The following TNS2 variants were observed in gnomAD, a reference collection of about 807,000 sequenced individuals.
TNS2 encodes tensin-2.
A neutral mutation model predicts 155.7 loss-of-function variants in TNS2; 77 were observed. The ratio of observed to expected loss-of-function variants is 0.49; its 90% CI spans 0.41 to 0.60. TNS2 has a LOEUF of 0.60. Ranked by LOEUF, TNS2 falls within the 20% of genes least tolerant of loss-of-function variation. The pLI is 0.00. For synonymous variants in TNS2, 726 were observed against 763.9 expected, an observed-to-expected ratio of 0.95 and a Z score of 0.82; for missense variants, 1,703 against 1,868.8, an observed-to-expected ratio of 0.91 and a Z score of 1.64.
chr12:53,049,199 C>T (rs748683513), upstream of TNS2: 2 of 1,603,472 alleles, frequency 1.2e-6, no homozygotes, highest in Non-Finnish European at 1.7e-6. Flanking sequence ...AGTCCTCAGG[C>T]CCTGGGACAG....
Position 53,059,339 on chromosome 12 carries a change from C to T in TNS2, c.1698C>T (p.Asp566=), listed in dbSNP as rs368461146. Residue 566 remains aspartate (D), a synonymous_variant, in exon 18 of 29, where the codon GAC becomes GAT. Transcript: ENST00000314250. This position sits in a 1 kb window ranked among gnomAD's most constrained non-coding sequence, Gnocchi z 4.7. ...GGCGCGAGACGGCCATCCTAGATGA[C>T]GAAGAGCAGCCCACTGTGGGCGGAG... ...GAGRETAILD[D]EEQPTVGGGP... 4.9e-5 allele frequency: 71 copies of T among 1,444,404 alleles called. No individual in the cohort carries two copies. The highest frequency in any genetic ancestry group is 5.8e-5 in the Non-Finnish European group (64 of 1,099,588). 89.5% of individuals were successfully genotyped at this position (1,444,404 alleles called of 1,614,324 possible). A position where few individuals can be genotyped will look rare whatever the true frequency, so the allele number is the denominator to read the frequency against.
chr12:53,060,973 C>G lies in TNS2; in HGVS notation c.3067C>G (p.Pro1023Ala). ...CGCCCCCTGGCAAGGCCCTCGAGGCCCCCCCGACAGCCCAGATGGGTCTCC... is the reference window on the plus strand; with the variant it reads ...CGCCCCCTGGCAAGGCCCTCGAGGCGCCCCCGACAGCCCAGATGGGTCTCC... ...RHAPWQGPRG[P>A]PDSPDGSPLT... The change falls in exon 20 of 29, where the codon CCC (proline) becomes GCC (alanine). Residue 1023 changes from proline to alanine, a missense_variant. Pro to Ala is a conservative substitution (Grantham distance 27). Coordinates refer to ENST00000314250, the MANE Select transcript of TNS2 (RefSeq NM_170754.4). This position sits in a 1 kb window ranked among gnomAD's most constrained non-coding sequence, Gnocchi z 6.1. 6.2e-7 allele frequency: 1 copy of G among 1,609,622 alleles called. No individual in the cohort carries two copies. The highest frequency in any genetic ancestry group is 8.5e-7 in the Non-Finnish European group (1 of 1,178,152).
intron 10 of TNS2, 32 bp downstream of exon 10, chr12:53,055,877 C>G (rs376200548): frequency 1.9e-6 from 3 of 1,589,552 alleles, no homozygotes; most frequent in Non-Finnish European, 2.6e-6. Context: ...TAGCTGCTTC[C>G]CCAGTGGCCC....
chr12:53,052,714 G>A (rs1943982284), intron 3 of TNS2, among the ~76,000 whole-genome samples: 1 of 151,218 alleles, frequency 6.6e-6, no homozygotes, highest in Non-Finnish European at 1.5e-5. Flanking sequence ...CAGCAAGACA[G>A]CGTTTGTCTT....
intron 22 of TNS2, 73 bp from the exon 23 acceptor site, chr12:53,062,080 G>A: frequency 1.2e-6 from 2 of 1,611,766 alleles, no homozygotes; most frequent in Non-Finnish European, 1.7e-6. Context: ...AGCTGCTCGG[G>A]AAAGAATCCC....
At chr12:53,053,022 A>C in intron 3 of TNS2, 1 of 341,248 alleles carries the variant, frequency 2.9e-6, no homozygotes, top group South Asian at 2.4e-5. Flanking sequence ...TTCCTTCAGG[A>C]CAGGGGGAGG....
chr12:53,062,259 G>A lies in TNS2; in HGVS notation c.3667+14G>A, dbSNP rs756242854. 6.2e-7 allele frequency: 1 copy of A among 1,613,806 alleles called. No homozygotes were observed. Among genetic ancestry groups the A allele is most frequent in the South Asian group, 1.1e-5 (1 of 91,084 alleles). On this transcript the variant is annotated intron_variant, in intron 23 of 28. Transcript: ENST00000314250. ...AGCCCTACTTTGGTGAGAAGCAGGA[G>A]CCTGGGGAAGGCTACGTTGGGTCGG... is the stretch of plus-strand genomic sequence containing the variant.
rs759909615 is a variant in TNS2 at position 53,054,288 on chromosome 12, G to A, written c.369G>A (p.Pro123=). The A allele has an allele frequency of 5.0e-6, 8 of 1,612,978 alleles. No individual in the cohort carries two copies. Among genetic ancestry groups the A allele is most frequent in the Non-Finnish European group, 6.8e-6 (8 of 1,179,896 alleles). ...TCCCCAGGAGCTTCAGCCTGGACCC[G>A]CTCATGGAGCGGCGCTGGGACTTAG... The part of the protein sequence containing the change: ...STLPRSFSLD[P]LMERRWDLDL... The change falls in exon 7 of 29, where the codon CCG becomes CCA. Residue 123 remains proline, a synonymous_variant. Transcript: ENST00000314250.
Position 53,050,172 on chromosome 12 carries a change from G to A in TNS2, c.-14G>A, listed in dbSNP as rs760351947. ...TTCAGGCCCTGGGGCCAGCACCCCA[G>A]CCAGCCGAACACCATGAAGTCCAGC... On this transcript the variant is annotated 5_prime_UTR_variant, in exon 1 of 29. Coordinates refer to ENST00000314250, the MANE Select transcript of TNS2 (RefSeq NM_170754.4). The surrounding 1 kb of genome is among the most constrained non-coding windows in gnomAD (Gnocchi z 4.7). 2 of 1,609,550 alleles carry A rather than the reference G, an allele frequency of 1.2e-6. No homozygotes were observed. The highest frequency in any genetic ancestry group is 1.7e-6 in the Non-Finnish European group (2 of 1,178,828).
rs753234564 is a variant in TNS2 at position 53,054,301 on chromosome 12, C to G, written c.382C>G (p.Arg128Gly). 3.7e-6 allele frequency: 6 copies of G among 1,613,276 alleles called. No homozygotes were observed. The highest frequency in any genetic ancestry group is 5.1e-6 in the Non-Finnish European group (6 of 1,179,910). ...CAGCCTGGACCCGCTCATGGAGCGGCGCTGGGACTTAGACCTCACCTACGT... is the reference window on the plus strand; with the variant it reads ...CAGCCTGGACCCGCTCATGGAGCGGGGCTGGGACTTAGACCTCACCTACGT... ...SFSLDPLMER[R>G]WDLDLTYVTE... is the part of the protein sequence containing the mutation. Residue 128 changes from arginine (R) to glycine (G), a missense_variant, in exon 7 of 29, where the codon CGC becomes GGC. Arg to Gly is a moderately radical substitution (Grantham distance 125). Transcript: ENST00000314250.
chr12:53,052,628 GA>G, intron 3 of TNS2, 136 bp downstream of exon 3: 1 of 1,229,574 alleles, frequency 8.1e-7, no homozygotes, highest in Non-Finnish European at 1.2e-6. Context: ...TCCTGGGTGG[GA>G]GGGGTGCTGT....
At chr12:53,062,293 G>A in intron 23 of TNS2, 48 bp downstream of exon 23, 1 of 1,612,882 alleles carries the variant, frequency 6.2e-7, no homozygotes, top group Non-Finnish European at 8.5e-7. Flanking sequence ...GGTTTAGGGA[G>A]ATGCCAAGGG....
At chr12:53,062,126 C>A in intron 22 of TNS2, 27 bp from the exon 23 acceptor site, 1 of 1,613,534 alleles carries the variant, frequency 6.2e-7, no homozygotes, top group Non-Finnish European at 8.5e-7. Flanking sequence ...ATCCTAAAGC[C>A]GCAATCTTCC....
At position 53,060,228 on chromosome 12, in the gene TNS2, C is replaced by G; in HGVS notation, c.2587C>G (p.Leu863Val). 1 of 1,551,830 alleles carries G rather than the reference C, an allele frequency of 6.4e-7. No individual in the cohort carries two copies. Among genetic ancestry groups the G allele is most frequent in the South Asian group, 1.2e-5 (1 of 82,596 alleles). The change falls in exon 18 of 29, where the codon CTG (leucine) becomes GTG (valine). Residue 863 changes from leucine (L) to valine (V), a missense_variant. Coordinates refer to ENST00000314250, the MANE Select transcript of TNS2 (RefSeq NM_170754.4). The surrounding 1 kb of genome is among the most constrained non-coding windows in gnomAD (Gnocchi z 6.1). ...GGACAGGTACCCATTGCCTGGGCAC[C>G]TGGCCTCAGCAGGACCTTTGGCATC... ...GGDRYPLPGHLASAGPLASAE... is the reference protein window; with the variant it reads ...GGDRYPLPGHVASAGPLASAE...
chr12:53,061,669 T>C (rs1944389006), intron 21 of TNS2, 146 bp from the exon 22 acceptor site: 1 of 1,439,422 alleles, frequency 6.9e-7, no homozygotes, highest in African/African-American at 1.4e-5. Flanking sequence ...CTGTGAACTC[T>C]AGAGCCCTGG....
At chr12:53,062,767 G>C in intron 25 of TNS2, 70 bp downstream of exon 25, 1 of 1,572,856 alleles carries the variant, frequency 6.4e-7, no homozygotes, top group Non-Finnish European at 8.7e-7. Flanking sequence ...ACAGGGCATG[G>C]GGCACTGAAA....
chr12:53,049,983 C>T, upstream of TNS2: 2 of 1,339,440 alleles, frequency 1.5e-6, no homozygotes, highest in Admixed American at 2.9e-5. Flanking sequence ...CCTCCCCCCT[C>T]CACTTCCTGG....
At chr12:53,049,946 A>C, upstream of TNS2, 2 of 1,031,976 alleles carry the variant, frequency 1.9e-6, no homozygotes, top group East Asian at 2.9e-5. Flanking sequence ...AGATCCTGGG[A>C]ATCTGATCTC....
At position 53,050,294 on chromosome 12, in the gene TNS2, CA is replaced by C. The variant is rs774863591; in HGVS notation, c.75+35del. 6 of 1,573,788 alleles carry C rather than the reference CA, an allele frequency of 3.8e-6. No individual in the cohort carries two copies. The highest frequency in any genetic ancestry group is 5.2e-6 in the Non-Finnish European group (6 of 1,159,482). On this transcript the variant is annotated intron_variant, in intron 1 of 28. Transcript: ENST00000314250. The surrounding 1 kb of genome is among the most constrained non-coding windows in gnomAD (Gnocchi z 4.7). ...GCCCACCAGCTGGGCAAAAGAGGGGCAGGGGTGGAGGTGCGGGCAGTGGGGG... is the reference window on the plus strand; with the variant it reads ...GCCCACCAGCTGGGCAAAAGAGGGGCGGGGTGGAGGTGCGGGCAGTGGGGG...
Sources: gnomAD v4.1 joint callset for allele counts (sites outside exome capture counted in the v4.1 genomes callset) on GRCh38, gnomAD v4.1.1 for gene constraint, Gnocchi (gnomAD v3.1) non-coding constraint, MANE v1.5 for transcripts, NCBI Gene and HGNC (gene_info 2026-07-23, HGNC 2026-07-21) for gene names.